Variants in BSG observed in about 807,000 individuals in gnomAD.
BSG encodes the protein basigin.
BSG carries 37 observed loss-of-function variants against 43.1 expected under a neutral mutation model. The ratio of observed to expected loss-of-function variants is 0.86; its 90% CI spans 0.66 to 1.13. BSG has a LOEUF of 1.13. Among genes scored for constraint, BSG ranks in the 50% most tolerant of loss-of-function variants. BSG has a pLI of 0.00. For missense variants in BSG, 599 were observed against 554.2 expected (o/e 1.08, Z -0.81); for synonymous variants, 309 against 238.7 (o/e 1.29, Z -2.72).
chr19:572,523 A>G (rs1249221168), upstream of BSG: 18 of 1,246,996 alleles, frequency 1.4e-5, no homozygotes, highest in Non-Finnish European at 1.8e-5. Context: ...CCCGCCCCCG[A>G]GATGACGCCG....
At chr19:576,017 C>G (rs1044006293) in intron 1 of BSG, among the ~76,000 whole-genome samples, 1 of 152,234 alleles carries the variant, frequency 6.6e-6, no homozygotes, top group Non-Finnish European at 1.5e-5. Flanking sequence ...CAGGGTTGTT[C>G]CATCCAAAGC....
chr19:575,532 G>A (rs1224234125), intron 1 of BSG: 1 of 150,916 alleles, frequency 6.6e-6, no homozygotes, highest in Admixed American at 6.6e-5. Context: ...TGCGGCCGGT[G>A]GGGGTGGGTG....
At chr19:579,788 G>C in intron 3 of BSG, 132 bp downstream of exon 3, 1 of 1,365,822 alleles carries the variant, frequency 7.3e-7, no homozygotes, top group South Asian at 1.5e-5. Context: ...GACCAGCTCC[G>C]CGCAGACCCC....
intron 1 of BSG, among the ~76,000 whole-genome samples, chr19:575,676 G>A (rs930637453): frequency 1.8e-4 from 27 of 150,840 alleles, no homozygotes; most frequent in African/African-American, 5.4e-4. Flanking sequence ...AGTACCACGC[G>A]GCCTGCCTGG....
intron 3 of BSG, 80 bp downstream of exon 3, chr19:579,736 A>G (rs1374507865): frequency 3.3e-6 from 5 of 1,525,994 alleles, no homozygotes; most frequent in Non-Finnish European, 4.4e-6. Flanking sequence ...GTCCGTGAGA[A>G]CAAAAGACCG....
At position 572,659 on chromosome 19, in the gene BSG, C is replaced by T; in HGVS notation, c.25C>T (p.Leu9=). 2 of 1,506,046 alleles carry T rather than the reference C, an allele frequency of 1.3e-6. No homozygotes were observed. The highest frequency in any genetic ancestry group is 2.8e-5 in the East Asian group (1 of 35,352). The allele number at this position is 1,506,046 out of a possible 1,614,324, so 93.3% of individuals were successfully genotyped here. ...CATGGCGGCTGCGCTGTTCGTGCTG[C>T]TGGGATTCGCGCTGCTGGGCACCCA... MAAALFVL[L]GFALLGTHGA... Residue 9 remains leucine, a synonymous_variant, in exon 1 of 9, where the codon CTG becomes TTG. Transcript: ENST00000333511.
chr19:572,617 C>A lies in BSG; in HGVS notation c.-18C>A, dbSNP rs766329922. On this transcript the variant is annotated 5_prime_UTR_variant, in exon 1 of 9. Transcript: ENST00000333511. Reference sequence around the variant, plus strand: ...CGGCAGCGGTTGGAGGTTGTAGGACCGGCGAGGAATAGGAATCATGGCGGC... The same window carrying A: ...CGGCAGCGGTTGGAGGTTGTAGGACAGGCGAGGAATAGGAATCATGGCGGC... 8 of 1,490,760 alleles carry A rather than the reference C, an allele frequency of 5.4e-6. No homozygotes were observed. The highest frequency in any genetic ancestry group is 5.8e-5 in the East Asian group (2 of 34,620). The allele number at this position is 1,490,760 out of a possible 1,614,324, so 92.3% of individuals were successfully genotyped here.
At chr19:571,501 G>A, upstream of BSG, 2 of 778,646 alleles carry the variant, frequency 2.6e-6, no homozygotes, top group Non-Finnish European at 2.4e-6. Context: ...CTGGGTTTAC[G>A]CGTCACCTCG....
At chr19:581,753 C>T (rs1982345062) in intron 6 of BSG, among the ~76,000 whole-genome samples, 162 bp downstream of exon 6, 1 of 152,258 alleles carries the variant, frequency 6.6e-6, no homozygotes, top group East Asian at 1.9e-4. Context: ...GATGGAGGGT[C>T]TAGCCCCGGG....
Position 582,541 on chromosome 19 carries a change from C to G in BSG, c.1122C>G (p.Asp374Glu). Reference protein sequence around the residue: ...PLKSSGQHQNDKGKNVRQRNS... With the variant: ...PLKSSGQHQNEKGKNVRQRNS... ...AGAGCAGCGGGCAGCACCAGAATGA[C>G]AAAGGCAAGAACGTCCGCCAGAGGA... The change falls in exon 8 of 9, where the codon GAC (aspartate) becomes GAG (glutamate). Residue 374 changes from aspartate (D) to glutamate (E), a missense_variant. By Grantham distance (45) the Asp-to-Glu change is conservative (BLOSUM62 2). Coordinates refer to ENST00000333511, the MANE Select transcript of BSG (RefSeq NM_001728.4). 6.2e-7 allele frequency: 1 copy of G among 1,604,342 alleles called. No homozygotes were observed. The highest frequency in any genetic ancestry group is 8.5e-7 in the Non-Finnish European group (1 of 1,178,128).
chr19:575,942 C>T (rs12979852), intron 1 of BSG, among the ~76,000 whole-genome samples: 15,443 of 152,130 alleles, frequency 0.1, 1,230 homozygotes, highest in African/African-American at 0.22. Context: ...CTCTTCCGGA[C>T]GCCCCCCCAC....
upstream of BSG, chr19:572,344 T>C (rs1158121778): frequency 9.6e-7 from 1 of 1,036,428 alleles, no homozygotes; most frequent in East Asian, 7.3e-5. Flanking sequence ...AAGGAAGAAA[T>C]GCGCAGGCTC....
Position 578,079 on chromosome 19 carries a change from G to C in BSG, c.373G>C (p.Val125Leu). ...CAACCACCTGACCCGGGCGCCCAGG[G>C]TCAAGTGGGTCCGCGCCCAGGCAGT... ...DRNHLTRAPR[V>L]KWVRAQAVVL... Residue 125 changes from valine (V) to leucine (L), a missense_variant, in exon 2 of 9, where the codon GTC becomes CTC. Coordinates refer to ENST00000333511, the MANE Select transcript of BSG (RefSeq NM_001728.4). 1 of 1,604,090 alleles carries C rather than the reference G, an allele frequency of 6.2e-7. No individual in the cohort carries two copies. Among genetic ancestry groups the C allele is most frequent in the Non-Finnish European group, 8.5e-7 (1 of 1,174,538 alleles).
chr19:580,442 G>C lies in BSG; in HGVS notation c.636G>C (p.Thr212=). ...SCVFLPEPMG[T]ANIQLHGPPR... ...TCTTCCTCCCCGAGCCCATGGGCACGGCCAACATCCAGCTCCACGGTGAGT... is the reference window on the plus strand; with the variant it reads ...TCTTCCTCCCCGAGCCCATGGGCACCGCCAACATCCAGCTCCACGGTGAGT... The change falls in exon 4 of 9, where the codon ACG becomes ACC. Residue 212 remains threonine (T), a synonymous_variant. Transcript: ENST00000333511. The C allele has an allele frequency of 1.2e-6, 2 of 1,610,930 alleles. No homozygotes were observed. Among genetic ancestry groups the C allele is most frequent in the Non-Finnish European group, 8.5e-7 (1 of 1,179,924 alleles).
At chr19:577,017 T>C (rs1981837233) in intron 1 of BSG, among the ~76,000 whole-genome samples, 1 of 152,158 alleles carries the variant, frequency 6.6e-6, no homozygotes, top group Non-Finnish European at 1.5e-5. Context: ...CAGAAGGTGC[T>C]GTGGGGAGGG....
At chr19:575,363 G>C (rs1981671587) in intron 1 of BSG, 1 of 152,364 alleles carries the variant, frequency 6.6e-6, no homozygotes, top group Non-Finnish European at 1.5e-5. Flanking sequence ...GCGTCTGCGG[G>C]TTGGTGGGGC....
At chr19:578,696 A>G (rs2145895970) in intron 2 of BSG, among the ~76,000 whole-genome samples, 1 of 148,908 alleles carries the variant, frequency 6.7e-6, no homozygotes, top group African/African-American at 2.5e-5. Flanking sequence ...TGCCTCCTAG[A>G]GAAGGGCACG....
At chr19:577,694 T>A (rs1393871283) in intron 1 of BSG, 80 bp from the exon 2 acceptor site, 2 of 1,211,516 alleles carry the variant, frequency 1.7e-6, no homozygotes, top group African/African-American at 3.1e-5. Context: ...CTGGGAGTCC[T>A]GTGGGCGAGG....
At chr19:577,634 C>T in intron 1 of BSG, 140 bp from the exon 2 acceptor site, 1 of 645,926 alleles carries the variant, frequency 1.5e-6, no homozygotes, top group Non-Finnish European at 2.3e-6. Context: ...CAGCCGGGCC[C>T]CATCACTCTC....
Sources: allele counts gnomAD v4.1 joint callset (sites outside exome capture counted in the v4.1 genomes callset), GRCh38; gene constraint gnomAD v4.1.1; transcripts MANE v1.5; gene names NCBI Gene and HGNC (gene_info 2026-07-23, HGNC 2026-07-21).